Variants in RBMS3 observed in about 807,000 individuals in gnomAD.
RBMS3 encodes RNA-binding motif, single-stranded-interacting protein 3.
A neutral mutation model predicts 66.8 loss-of-function variants in RBMS3; 27 were observed. The observed-to-expected ratio is 0.40, with a 90% CI of 0.30 to 0.56. RBMS3 has a LOEUF of 0.56. Ranked by LOEUF, RBMS3 falls within the 20% of genes least tolerant of loss-of-function variation. RBMS3 has a pLI of 0.40. For missense variants in RBMS3, 513 were observed against 549.5 expected (o/e 0.93, Z 0.66); for synonymous variants, 188 against 183.0 (o/e 1.03, Z -0.22).
chr3:29,306,741 G>GT (rs2034039388), intron 1 of RBMS3, among the ~76,000 whole-genome samples: 1 of 151,870 alleles, frequency 6.6e-6, no homozygotes, highest in South Asian at 2.1e-4. Context: ...GCTCCCTTCA[G>GT]TTGATCAAGC....
At chr3:29,320,743 A>C (rs920314475) in intron 1 of RBMS3, among the ~76,000 whole-genome samples, 2 of 152,070 alleles carry the variant, frequency 1.3e-5, no homozygotes, top group African/African-American at 4.8e-5. Flanking sequence ...GTTATTAAGA[A>C]TTTGAATAAA....
intron 1 of RBMS3, among the ~76,000 whole-genome samples, chr3:29,311,264 C>T (rs990279588): frequency 2.0e-5 from 3 of 151,704 alleles, no homozygotes; most frequent in Non-Finnish European, 4.4e-5. Flanking sequence ...TATCATTCTC[C>T]AGTTCTCTAA....
At position 29,545,354 on chromosome 3, in the gene RBMS3, T is replaced by G. The variant is rs151228230; in HGVS notation, c.308-41760T>G. Among the ~76,000 whole-genome samples, 85 of 152,260 alleles carry G rather than the reference T, an allele frequency of 5.6e-4. No homozygotes were observed. The Middle Eastern group carries it at 0.01, about 18-fold the overall frequency. On this transcript the variant is annotated intron_variant, in intron 3 of 14. Transcript: ENST00000383767. ...CTATGATGTTTTTGTGTATACTATA[T>G]TGCTTTTATAACTAGAATAAAAAAA...
At chr3:29,861,077 A>T (rs1042568455) in intron 6 of RBMS3, among the ~76,000 whole-genome samples, 5 of 152,066 alleles carry the variant, frequency 3.3e-5, no homozygotes, top group South Asian at 2.1e-4. Context: ...GTTAGCCAGG[A>T]TGTTCTCGAT....
intron 11 of RBMS3, among the ~76,000 whole-genome samples, chr3:29,939,496 G>A (rs904578178): frequency 6.6e-6 from 1 of 151,886 alleles, no homozygotes; most frequent in African/African-American, 2.4e-5. Flanking sequence ...ATTGCCACAT[G>A]GACATACAGA....
At chr3:29,997,658 A>G (rs1430904749) in intron 14 of RBMS3, among the ~76,000 whole-genome samples, 1 of 151,820 alleles carries the variant, frequency 6.6e-6, no homozygotes, top group African/African-American at 2.4e-5. Context: ...ACAGAGCCAA[A>G]GACAAAAACC....
intron 2 of RBMS3, among the ~76,000 whole-genome samples, chr3:29,470,766 T>C (rs2125796970): frequency 6.6e-6 from 1 of 152,230 alleles, no homozygotes; most frequent in African/African-American, 2.4e-5. Flanking sequence ...TAAAAATGAA[T>C]TAAATGAATT....
At chr3:29,354,248 C>A (rs190444646) in intron 1 of RBMS3, among the ~76,000 whole-genome samples, 1 of 152,130 alleles carries the variant, frequency 6.6e-6, no homozygotes, top group Admixed American at 6.6e-5. Flanking sequence ...TCTCATTCCA[C>A]ATGTGTGTGT....
At chr3:29,374,189 C>A (rs1262414491) in intron 1 of RBMS3, among the ~76,000 whole-genome samples, 1 of 152,224 alleles carries the variant, frequency 6.6e-6, no homozygotes, top group African/African-American at 2.4e-5. Context: ...AAGAGACTAA[C>A]ATTGTGAAGA....
chr3:29,636,755 T>C (rs912957010), intron 4 of RBMS3, among the ~76,000 whole-genome samples: 12 of 151,924 alleles, frequency 7.9e-5, no homozygotes, highest in African/African-American at 2.7e-4. Context: ...GAAAGCATTA[T>C]TACTTGCTTG....
intron 14 of RBMS3, among the ~76,000 whole-genome samples, chr3:30,000,396 C>G (rs1211951479): frequency 6.6e-6 from 1 of 152,102 alleles, no homozygotes; most frequent in Non-Finnish European, 1.5e-5. Context: ...ACAACAGATG[C>G]TGGAGAGGAT....
intron 3 of RBMS3, among the ~76,000 whole-genome samples, chr3:29,554,988 G>C (rs1237657018): frequency 6.6e-6 from 1 of 152,134 alleles, no homozygotes; most frequent in Non-Finnish European, 1.5e-5. Context: ...CTGTTAGAAA[G>C]ATATTGCCCA....
intron 3 of RBMS3, among the ~76,000 whole-genome samples, chr3:29,580,980 C>T (rs1304151826): frequency 1.3e-5 from 2 of 152,140 alleles, no homozygotes; most frequent in African/African-American, 2.4e-5. Flanking sequence ...TGTATCAACT[C>T]CCTGCATTTT....
At chr3:29,367,280 C>T (rs2037960951) in intron 1 of RBMS3, among the ~76,000 whole-genome samples, 1 of 152,052 alleles carries the variant, frequency 6.6e-6, no homozygotes, top group Non-Finnish European at 1.5e-5. Context: ...AGTTATTTTA[C>T]ATATCTATGT....
rs569703598 is a variant in RBMS3 at position 29,359,374 on chromosome 3, G to A, written c.76-75369G>A. Among the ~76,000 whole-genome samples, 3 of 152,282 alleles carry A rather than the reference G, an allele frequency of 2.0e-5. No individual in the cohort carries two copies. The East Asian group carries it at 5.8e-4, about 29-fold the overall frequency. On this transcript the variant is annotated intron_variant, in intron 1 of 14. Transcript: ENST00000383767. ...TTATTGATTTTCGTATGTTGAACCA[G>A]CCTTGCATCCCAGGGATGAAGCCCA... is the stretch of plus-strand genomic sequence containing the variant.
chr3:29,475,730 A>C (rs1226520298), intron 2 of RBMS3, among the ~76,000 whole-genome samples: 1 of 152,226 alleles, frequency 6.6e-6, no homozygotes, highest in Non-Finnish European at 1.5e-5. Flanking sequence ...TAGGTGCCTA[A>C]GTACAAAGAT....
intron 1 of RBMS3, among the ~76,000 whole-genome samples, chr3:29,395,738 G>T (rs994742071): frequency 1.3e-5 from 2 of 152,144 alleles, no homozygotes; most frequent in South Asian, 4.1e-4. Context: ...AAACATTAAA[G>T]ATATTAATGT....
chr3:29,315,918 T>C (rs896394671), intron 1 of RBMS3, among the ~76,000 whole-genome samples: 1 of 151,694 alleles, frequency 6.6e-6, no homozygotes. Context: ...GTCCTTCAGG[T>C]TTTGTTATTG....
intron 1 of RBMS3, among the ~76,000 whole-genome samples, chr3:29,400,135 G>C (rs2039743380): frequency 6.6e-6 from 1 of 152,056 alleles, no homozygotes; most frequent in Non-Finnish European, 1.5e-5. Flanking sequence ...AAAAAAGCTT[G>C]ATAAACCTAT....
Sources: allele counts gnomAD v4.1 joint callset (sites outside exome capture counted in the v4.1 genomes callset), GRCh38; gene constraint gnomAD v4.1.1; transcripts MANE v1.5; gene names NCBI Gene and HGNC (gene_info 2026-07-23, HGNC 2026-07-21).